Variants in COL26A1 observed in about 807,000 individuals in gnomAD.
The protein encoded by COL26A1 is collagen type XXVI alpha 1 chain.
Under a neutral mutation model 59.3 loss-of-function variants are expected in COL26A1, and 41 were observed. That is an observed-to-expected ratio of 0.69 (90% CI 0.54 to 0.90). The LOEUF (loss-of-function observed/expected upper bound fraction) is 0.90, where lower values mean the gene tolerates loss of function less well. COL26A1 is among the 40% of genes least tolerant of loss of function. The probability of loss-of-function intolerance (pLI) is 0.00; values close to 1 mark genes in which losing one functional copy is unlikely to be tolerated. For missense variants in COL26A1, 612 were observed against 602.3 expected, an observed-to-expected ratio of 1.02 and a Z score of -0.17; for synonymous variants, 266 against 256.0, an observed-to-expected ratio of 1.04 and a Z score of -0.37.
rs34990402 is a variant in COL26A1 at position 101,380,292 on chromosome 7, A to ATT, written c.158+17122_158+17123dup. Among the ~76,000 whole-genome samples the ATT allele has an allele frequency of 1.3e-3, 148 of 115,888 alleles. 1 individual carries two copies. Among genetic ancestry groups the ATT allele is most frequent in the African/African-American group, 1.7e-3 (53 of 31,676 alleles). The allele number at this position is 115,888 out of a possible 152,430, so 76.0% of individuals were successfully genotyped here. On this transcript the variant is annotated intron_variant, in intron 1 of 12. Transcript: ENST00000313669. ...GGCGTAAGCTACTGCACCCAGCTAC[A>ATT]TTTTTTTTTTTTTTTTTTTTTGAAA...
chr7:101,547,288 G>A (rs1336882295), intron 8 of COL26A1, 49 bp downstream of exon 8: 4 of 1,368,984 alleles, frequency 2.9e-6, no homozygotes, highest in Non-Finnish European at 4.0e-6. Context: ...TCCCCCCAGG[G>A]CTGGCCTGAG....
chr7:101,555,782 G>A lies in COL26A1; in HGVS notation c.1081-5G>A, dbSNP rs543836233. The A allele has an allele frequency of 4.8e-4, 769 of 1,605,826 alleles. 18 individuals are homozygous for A. In the South Asian group the frequency reaches 7.6e-3, roughly 16 times the overall value. On this transcript the variant is annotated splice_polypyrimidine_tract_variant and splice_region_variant and intron_variant, in intron 11 of 12. Transcript: ENST00000313669. ...CCCTGACCCTGCCTGTTTCCTCCCCGCCAGGGCGAGGGGGTGCAGCAGCTG... is the reference window on the plus strand; with the variant it reads ...CCCTGACCCTGCCTGTTTCCTCCCCACCAGGGCGAGGGGGTGCAGCAGCTG...
At chr7:101,376,968 C>T (rs1487261754) in intron 1 of COL26A1, among the ~76,000 whole-genome samples, 4 of 152,144 alleles carry the variant, frequency 2.6e-5, no homozygotes, top group Non-Finnish European at 5.9e-5. Context: ...AAGTGATTCT[C>T]CTGCCTCAGT....
intron 3 of COL26A1, among the ~76,000 whole-genome samples, chr7:101,448,150 G>T (rs1793246172): frequency 6.6e-6 from 1 of 152,254 alleles, no homozygotes; most frequent in Non-Finnish European, 1.5e-5. Context: ...TCTGGGCTCT[G>T]AGCAAATGCG....
chr7:101,517,898 C>T (rs1360294186), intron 3 of COL26A1, among the ~76,000 whole-genome samples: 5 of 143,200 alleles, frequency 3.5e-5, no homozygotes, highest in African/African-American at 5.2e-5. Context: ...ACTACAGCTT[C>T]GAACTCCTGG....
At chr7:101,388,211 G>A (rs535359035) in intron 1 of COL26A1, among the ~76,000 whole-genome samples, 10 of 151,858 alleles carry the variant, frequency 6.6e-5, no homozygotes, top group Admixed American at 3.3e-4. Context: ...CGTGGCTCAC[G>A]CCTGTAATCC....
chr7:101,505,012 G>A (rs1333405034), intron 3 of COL26A1, among the ~76,000 whole-genome samples: 1 of 152,150 alleles, frequency 6.6e-6, no homozygotes, highest in East Asian at 1.9e-4. Flanking sequence ...AAAATTAGCC[G>A]GGTATGGTGG....
At position 101,425,659 on chromosome 7, in the gene COL26A1, G is replaced by A. The variant is rs111512376; in HGVS notation, c.281+5560G>A. Among the ~76,000 whole-genome samples the A allele has an allele frequency of 7.2e-3, 846 of 116,920 alleles. 5 individuals carry two copies. The highest frequency in any genetic ancestry group is 0.011 in the Non-Finnish European group (542 of 48,960). The allele number at this position is 116,920 out of a possible 152,430, so 76.7% of individuals were successfully genotyped here. The stretch of plus-strand genomic sequence containing the variant: ...CTACAGGTGTGCATCAGGACACCTG[G>A]CTAATTTTTTTTTCTGTATATTTAG... On this transcript the variant is annotated intron_variant, in intron 2 of 12. Coordinates refer to ENST00000313669, the MANE Select transcript of COL26A1 (RefSeq NM_001278563.3).
intron 1 of COL26A1, among the ~76,000 whole-genome samples, chr7:101,409,362 G>A (rs1247231168): frequency 6.6e-6 from 1 of 152,220 alleles, no homozygotes; most frequent in African/African-American, 2.4e-5. Context: ...GGTTGGGAAT[G>A]AGAAGACTGA....
At chr7:101,442,200 G>A (rs1793075092) in intron 2 of COL26A1, among the ~76,000 whole-genome samples, 1 of 148,560 alleles carries the variant, frequency 6.7e-6, no homozygotes, top group South Asian at 2.2e-4. Context: ...ACCATTTCAG[G>A]AATTAATTTT....
chr7:101,411,301 G>A (rs1444794430), intron 1 of COL26A1, among the ~76,000 whole-genome samples: 1 of 152,198 alleles, frequency 6.6e-6, no homozygotes, highest in Non-Finnish European at 1.5e-5. Context: ...AGGCATACAA[G>A]GGGGCCCTGT....
intron 3 of COL26A1, among the ~76,000 whole-genome samples, chr7:101,459,597 C>G (rs1194108265): frequency 6.6e-6 from 1 of 151,984 alleles, no homozygotes; most frequent in Non-Finnish European, 1.5e-5. Context: ...CATAAGCCAC[C>G]ACACCTGGCC....
chr7:101,463,323 C>G lies in COL26A1; in HGVS notation c.385+15536C>G, dbSNP rs973107496. On this transcript the variant is annotated intron_variant, in intron 3 of 12. Coordinates refer to ENST00000313669, the MANE Select transcript of COL26A1 (RefSeq NM_001278563.3). ...TTAGCATTATGTCTTCAAGATTCAT[C>G]CATGTAGCAAGGGTCAGAATTTCCT... is the stretch of plus-strand genomic sequence containing the variant. Among the ~76,000 whole-genome samples, 15 of 152,114 alleles carry G rather than the reference C, an allele frequency of 9.9e-5. 1 individual carries two copies. Among genetic ancestry groups the G allele is most frequent in the African/African-American group, 2.4e-5 (1 of 41,434 alleles).
At chr7:101,370,018 A>C (rs1240099741) in intron 1 of COL26A1, among the ~76,000 whole-genome samples, 1 of 151,968 alleles carries the variant, frequency 6.6e-6, no homozygotes, top group Non-Finnish European at 1.5e-5. Flanking sequence ...ATGTGCCATC[A>C]TGCCTGGCTA....
chr7:101,481,200 G>T (rs1365325807), intron 3 of COL26A1, among the ~76,000 whole-genome samples: 1 of 152,014 alleles, frequency 6.6e-6, no homozygotes, highest in Admixed American at 6.6e-5. Context: ...TTTCATGGAA[G>T]GTTGTCATTC....
At chr7:101,493,806 G>A (rs2410852) in intron 3 of COL26A1, among the ~76,000 whole-genome samples, 80,049 of 146,522 alleles carry the variant, frequency 0.55, 23,453 homozygotes, top group African/African-American at 0.74. Context: ...GGTGGCGGGC[G>A]TCTGTAGTCC....
At chr7:101,373,511 G>A (rs1003890416) in intron 1 of COL26A1, among the ~76,000 whole-genome samples, 1 of 128,282 alleles carries the variant, frequency 7.8e-6, no homozygotes, top group Non-Finnish European at 1.6e-5. Context: ...AGTTTGTTGA[G>A]TGAATGAATG....
intron 1 of COL26A1, among the ~76,000 whole-genome samples, chr7:101,415,156 C>CTT (rs199896601): frequency 9.6e-6 from 1 of 104,596 alleles, no homozygotes; most frequent in Non-Finnish European, 2.5e-5. Context: ...TAACCCCCCC[C>CTT]CTTTTTTTTT....
intron 1 of COL26A1, among the ~76,000 whole-genome samples, chr7:101,389,622 C>T (rs1299139107): frequency 6.6e-6 from 1 of 152,044 alleles, no homozygotes; most frequent in East Asian, 1.9e-4. Context: ...ATGGCGCGAT[C>T]TTGGCTCACG....
Sources: allele counts gnomAD v4.1 joint callset (sites outside exome capture counted in the v4.1 genomes callset), GRCh38; gene constraint gnomAD v4.1.1; transcripts MANE v1.5; gene names NCBI Gene and HGNC (gene_info 2026-07-23, HGNC 2026-07-21).